GRIA3: variants seen among roughly 807,000 people sequenced by gnomAD.
GRIA3 encodes the protein glutamate ionotropic receptor AMPA type subunit 3.
A neutral mutation model predicts 63.0 loss-of-function variants in GRIA3; 3 were observed. The observed-to-expected ratio is 0.05, with a 90% CI of 0.02 to 0.12. The LOEUF (loss-of-function observed/expected upper bound fraction) is 0.12. GRIA3 is among the 10% of genes least tolerant of loss of function. The probability of loss-of-function intolerance (pLI) is 1.00; values close to 1 mark genes in which losing one functional copy is unlikely to be tolerated. For missense variants in GRIA3, 347 were observed against 700.9 expected (o/e 0.50, Z 5.70); for synonymous variants, 274 against 257.9 (o/e 1.06, Z -0.60).
At chrX:123,337,700 G>A (rs1298796867) in intron 4 of GRIA3, among the ~76,000 whole-genome samples, 4 of 111,483 alleles carry the variant, frequency 3.6e-5, no homozygotes, top group Non-Finnish European at 5.7e-5. Flanking sequence ...GGTAGCCAAC[G>A]AGGGTACTGT....
At chrX:123,232,017 C>A (rs1401627768) in intron 2 of GRIA3, among the ~76,000 whole-genome samples, 2 of 111,766 alleles carry the variant, frequency 1.8e-5, no homozygotes, top group Admixed American at 9.5e-5. Flanking sequence ...AAGGTCACAT[C>A]CTCATCCTTT....
chrX:123,485,442 CT>C (rs1440692244), intron 15 of GRIA3, among the ~76,000 whole-genome samples: 1 of 111,701 alleles, frequency 9.0e-6, no homozygotes, highest in Non-Finnish European at 1.9e-5. Flanking sequence ...CCCAGCCCTT[CT>C]TCTGCCTATA....
At chrX:123,250,580 A>C (rs1362014804) in intron 2 of GRIA3, among the ~76,000 whole-genome samples, 2 of 111,588 alleles carry the variant, frequency 1.8e-5, no homozygotes, top group East Asian at 5.6e-4. Flanking sequence ...CTATTTTTGT[A>C]TAGGATTCAT....
intron 2 of GRIA3, among the ~76,000 whole-genome samples, chrX:123,226,159 T>C (rs1013599775): frequency 5.4e-5 from 6 of 111,574 alleles, no homozygotes; most frequent in African/African-American, 2.0e-4. Context: ...ACCAGACATT[T>C]GAAGTGTTAT....
At chrX:123,365,699 A>G (rs188268111) in intron 5 of GRIA3, among the ~76,000 whole-genome samples, 1 of 112,203 alleles carries the variant, frequency 8.9e-6, no homozygotes, top group South Asian at 3.7e-4. Flanking sequence ...TTGTACTTCA[A>G]AATCACCTGT....
At chrX:123,351,689 T>G (rs1180375278) in intron 4 of GRIA3, among the ~76,000 whole-genome samples, 1 of 111,907 alleles carries the variant, frequency 8.9e-6, no homozygotes, top group Non-Finnish European at 1.9e-5. Context: ...AGTCCCTCCC[T>G]TCACACACAC....
intron 2 of GRIA3, 80 bp from the exon 3 acceptor site, chrX:123,253,223 G>A: frequency 6.3e-6 from 7 of 1,118,912 alleles, no homozygotes; most frequent in Non-Finnish European, 8.6e-6. Context: ...GGGCCTAATT[G>A]TACATTGTAT....
chrX:123,299,388 T>C (rs766675055), intron 3 of GRIA3, among the ~76,000 whole-genome samples: 1 of 111,650 alleles, frequency 9.0e-6, no homozygotes, highest in Non-Finnish European at 1.9e-5. Flanking sequence ...TTTGTTTGTG[T>C]CATCTCTGAT....
In GRIA3 at chrX:123,398,758, T is replaced by C. The variant is rs1395598116; in HGVS notation, c.1035T>C (p.Ala345=). ...CTGGAGACTGCTTAGCAAATCCTGC[T>C]GTGCCCTGGAGTCAAGGAATTGATA... ...GSAGDCLANP[A]VPWSQGIDIE... The change falls in exon 7 of 16, where the codon GCT becomes GCC. Residue 345 remains alanine, a synonymous_variant. Coordinates refer to ENST00000620443, the MANE Select transcript of GRIA3 (RefSeq NM_007325.5). 8.3e-7 allele frequency: 1 copy of C among 1,210,577 alleles called. No individual in the cohort carries two copies. Among genetic ancestry groups the C allele is most frequent in the Non-Finnish European group, 1.1e-6 (1 of 894,573 alleles).
At chrX:123,218,290 A>C (rs893019138) in intron 2 of GRIA3, among the ~76,000 whole-genome samples, 6 of 111,475 alleles carry the variant, frequency 5.4e-5, no homozygotes, top group African/African-American at 2.0e-4. Flanking sequence ...CAGGTTATCC[A>C]GCTTATTAGA....
chrX:123,333,271 A>G (rs752714741), intron 4 of GRIA3, among the ~76,000 whole-genome samples: 1 of 111,822 alleles, frequency 8.9e-6, no homozygotes, highest in East Asian at 2.8e-4. Flanking sequence ...TAGATGAGTA[A>G]TTGCTTAGCT....
chrX:123,241,067 T>C (rs1025065033), intron 2 of GRIA3, among the ~76,000 whole-genome samples: 1 of 111,726 alleles, frequency 9.0e-6, no homozygotes, highest in African/African-American at 3.3e-5. Flanking sequence ...CTAGTTATTG[T>C]CATCCTGAAA....
At chrX:123,397,168 G>T (rs950107367) in intron 6 of GRIA3, among the ~76,000 whole-genome samples, 1 of 111,853 alleles carries the variant, frequency 8.9e-6, no homozygotes, top group Non-Finnish European at 1.9e-5. Flanking sequence ...ATGCTTATAA[G>T]TAAAACCCTT....
chrX:123,479,936 G>T (rs1320381219), intron 13 of GRIA3, 127 bp from the exon 14 acceptor site: 1 of 500,204 alleles, frequency 2.0e-6, no homozygotes, highest in African/African-American at 2.4e-5. Flanking sequence ...GTTGCCTGCA[G>T]TGTCTAAAAT....
chrX:123,261,267 A>G (rs1161627554), intron 3 of GRIA3, among the ~76,000 whole-genome samples: 2 of 111,279 alleles, frequency 1.8e-5, no homozygotes, highest in East Asian at 5.7e-4. Context: ...TAGCTCTCCA[A>G]TGCTGCAGAT....
At chrX:123,405,895 T>G (rs1223983351) in intron 10 of GRIA3, among the ~76,000 whole-genome samples, 2 of 112,505 alleles carry the variant, frequency 1.8e-5, no homozygotes, top group Non-Finnish European at 3.8e-5. Flanking sequence ...GGACAGAAGA[T>G]GTAGCTGATT....
At chrX:123,447,787 C>T (rs1262364448) in intron 12 of GRIA3, among the ~76,000 whole-genome samples, 1 of 112,142 alleles carries the variant, frequency 8.9e-6, no homozygotes, top group African/African-American at 3.2e-5. Context: ...AATTAAAAAG[C>T]GTTGGTTCCA....
intron 12 of GRIA3, among the ~76,000 whole-genome samples, chrX:123,440,805 TG>T (rs2147410761): frequency 8.9e-6 from 1 of 112,705 alleles, no homozygotes. Flanking sequence ...AGATCTCATT[TG>T]TCAATTTTTG....
chrX:123,257,535 A>G (rs1244098310), intron 3 of GRIA3, among the ~76,000 whole-genome samples: 1 of 110,885 alleles, frequency 9.0e-6, no homozygotes, highest in Non-Finnish European at 1.9e-5. Flanking sequence ...CATAAATCAT[A>G]CCAATCACTT....
Sources: gnomAD v4.1 joint callset for allele counts (sites outside exome capture counted in the v4.1 genomes callset) on GRCh38, gnomAD v4.1.1 for gene constraint, MANE v1.5 for transcripts, NCBI Gene and HGNC (gene_info 2026-07-23, HGNC 2026-07-21) for gene names.